ARHGAP15: variants seen among roughly 807,000 people sequenced by gnomAD.
ARHGAP15 encodes the protein rho GTPase-activating protein 15.
In ARHGAP15, 51 loss-of-function variants were observed where a neutral mutation model predicts 63.7. The observed-to-expected ratio is 0.80, with a 90% confidence interval of 0.64 to 1.01. The LOEUF (loss-of-function observed/expected upper bound fraction) is 1.01. Among genes scored for constraint, ARHGAP15 ranks in the 50% least tolerant of loss-of-function variants. ARHGAP15 has a pLI of 0.00. For missense variants in ARHGAP15, 560 were observed against 564.6 expected, an observed-to-expected ratio of 0.99 and a Z score of 0.08; for synonymous variants, 191 against 193.8, an observed-to-expected ratio of 0.99 and a Z score of 0.12.
At chr2:143,667,582 T>TAAAAAAAA (rs71338146) in intron 12 of ARHGAP15, among the ~76,000 whole-genome samples, 23 of 138,920 alleles carry the variant, frequency 1.7e-4, no homozygotes, top group African/African-American at 5.7e-4. Flanking sequence ...TAAAAAAAAT[T>TAAAAAAAA]AAAAAAAAAA....
At chr2:143,360,341 T>C (rs1685991070) in intron 6 of ARHGAP15, among the ~76,000 whole-genome samples, 1 of 152,112 alleles carries the variant, frequency 6.6e-6, no homozygotes, top group South Asian at 2.1e-4. Context: ...GCCGTGATTG[T>C]GCCACTGCAA....
At chr2:143,441,810 C>A (rs536325575) in intron 8 of ARHGAP15, among the ~76,000 whole-genome samples, 8 of 152,066 alleles carry the variant, frequency 5.3e-5, no homozygotes, top group African/African-American at 1.9e-4. Context: ...CTTTAGCTGT[C>A]TCTTGATTAA....
At chr2:143,751,997 A>C in intron 13 of ARHGAP15, among the ~76,000 whole-genome samples, 1 of 152,236 alleles carries the variant, frequency 6.6e-6, no homozygotes, top group East Asian at 1.9e-4. Flanking sequence ...ATTCAAATAC[A>C]ATGATATACA....
chr2:143,396,509 T>C (rs1206780168), intron 6 of ARHGAP15, among the ~76,000 whole-genome samples: 3 of 152,058 alleles, frequency 2.0e-5, no homozygotes, highest in Non-Finnish European at 2.9e-5. Context: ...AATGATGCTA[T>C]GACAGACCAA....
At position 143,362,378 on chromosome 2, in the gene ARHGAP15, C is replaced by T. The variant is rs577813774; in HGVS notation, c.475-73223C>T. 5.9e-5 allele frequency among the ~76,000 whole-genome samples: 9 copies of T among 152,300 alleles called. No homozygotes were observed. The East Asian group carries it at 1.7e-3, about 29-fold the overall frequency. ...GTCCTAAAATACCTTCTTCTCTGGG[C>T]TTCTTTGGCATCAGCCAGTCAAGGA... is the stretch of plus-strand genomic sequence containing the variant. On this transcript the variant is annotated intron_variant, in intron 6 of 13. Coordinates refer to ENST00000295095, the MANE Select transcript of ARHGAP15 (RefSeq NM_018460.4).
chr2:143,352,773 A>C (rs950036788), intron 6 of ARHGAP15, among the ~76,000 whole-genome samples: 1 of 152,226 alleles, frequency 6.6e-6, no homozygotes, highest in Non-Finnish European at 1.5e-5. Flanking sequence ...ATTATTTTGC[A>C]TGAAAGGCAT....
intron 6 of ARHGAP15, among the ~76,000 whole-genome samples, chr2:143,340,982 G>A (rs1329762938): frequency 6.6e-6 from 1 of 151,986 alleles, no homozygotes; most frequent in East Asian, 1.9e-4. Flanking sequence ...ACGTAAGACA[G>A]GTAGCTTTTT....
chr2:143,432,861 G>T (rs1689446858), intron 6 of ARHGAP15, among the ~76,000 whole-genome samples: 1 of 151,982 alleles, frequency 6.6e-6, no homozygotes, highest in Non-Finnish European at 1.5e-5. Context: ...CCTAAATTAG[G>T]TTTCTAAGCA....
At chr2:143,731,668 G>A (rs141184544) in intron 13 of ARHGAP15, among the ~76,000 whole-genome samples, 1 of 152,266 alleles carries the variant, frequency 6.6e-6, no homozygotes, top group East Asian at 1.9e-4. Context: ...CCTTTCTTAT[G>A]AATAGCTGTA....
At position 143,258,696 on chromosome 2, in the gene ARHGAP15, G is replaced by T. The variant is rs190665429; in HGVS notation, c.474+8096G>T. On this transcript the variant is annotated intron_variant, in intron 6 of 13. Coordinates refer to ENST00000295095, the MANE Select transcript of ARHGAP15 (RefSeq NM_018460.4). ...ATGGTTGATGTTGGGGAGAAATCAGGAAGGAAGCTGTTTGAACTCTTTTCA... is the reference window on the plus strand; with the variant it reads ...ATGGTTGATGTTGGGGAGAAATCAGTAAGGAAGCTGTTTGAACTCTTTTCA... Among the ~76,000 whole-genome samples, 4 of 152,278 alleles carry T rather than the reference G, an allele frequency of 2.6e-5. No homozygotes were observed. In the East Asian group the frequency reaches 5.8e-4, roughly 22 times the overall value.
chr2:143,299,080 T>C (rs1467505305), intron 6 of ARHGAP15, among the ~76,000 whole-genome samples: 1 of 151,966 alleles, frequency 6.6e-6, no homozygotes, highest in Non-Finnish European at 1.5e-5. Flanking sequence ...CATTGTTTCT[T>C]CAAGAGCAAG....
intron 12 of ARHGAP15, among the ~76,000 whole-genome samples, chr2:143,652,102 T>A (rs1254469188): frequency 1.3e-5 from 2 of 152,060 alleles, no homozygotes; most frequent in Non-Finnish European, 2.9e-5. Flanking sequence ...ACCACACTTC[T>A]TTATTAGTGT....
intron 11 of ARHGAP15, among the ~76,000 whole-genome samples, chr2:143,566,577 TCTCTCTGACCTCACTGTGTAG>T (rs1696232686): frequency 6.6e-6 from 1 of 152,124 alleles, no homozygotes; most frequent in Non-Finnish European, 1.5e-5. Context: ...CTCCCTCCTC[TCTCTCTGACCTCACTGTGTAG>T]CTCTCTTCCG....
intron 9 of ARHGAP15, among the ~76,000 whole-genome samples, chr2:143,499,480 TTTTC>T (rs936361279): frequency 3.9e-5 from 6 of 152,154 alleles, no homozygotes; most frequent in Non-Finnish European, 7.4e-5. Flanking sequence ...TGTGGGAGTT[TTTTC>T]TTTCTTTTTC....
At chr2:143,234,010 G>A (rs1053921213) in intron 5 of ARHGAP15, among the ~76,000 whole-genome samples, 1 of 151,870 alleles carries the variant, frequency 6.6e-6, no homozygotes, top group African/African-American at 2.4e-5. Flanking sequence ...TAAACCTTCA[G>A]TTAAACCCAT....
intron 12 of ARHGAP15, among the ~76,000 whole-genome samples, chr2:143,690,151 T>C (rs1683529308): frequency 6.6e-6 from 1 of 152,230 alleles, no homozygotes; most frequent in Non-Finnish European, 1.5e-5. Flanking sequence ...GGTTCAGTAC[T>C]TCAATAGCTC....
intron 1 of ARHGAP15, among the ~76,000 whole-genome samples, chr2:143,148,902 C>T (rs192986212): frequency 4.2e-4 from 64 of 152,066 alleles, no homozygotes; most frequent in African/African-American, 1.5e-3. Flanking sequence ...AATTAAAATG[C>T]TATTTTGGTA....
intron 11 of ARHGAP15, among the ~76,000 whole-genome samples, chr2:143,603,673 A>G (rs983400826): frequency 2.0e-5 from 3 of 152,182 alleles, no homozygotes; most frequent in Non-Finnish European, 4.4e-5. Context: ...AAGCTGTTGA[A>G]GTTGAAGTAG....
intron 6 of ARHGAP15, among the ~76,000 whole-genome samples, chr2:143,335,431 A>G (rs1275779894): frequency 6.6e-6 from 1 of 151,604 alleles, no homozygotes; most frequent in Non-Finnish European, 1.5e-5. Context: ...TAGACTAATC[A>G]GCTAAAGGGT....
Sources: gnomAD v4.1 joint callset for allele counts (sites outside exome capture counted in the v4.1 genomes callset) on GRCh38, gnomAD v4.1.1 for gene constraint, MANE v1.5 for transcripts, NCBI Gene and HGNC (gene_info 2026-07-23, HGNC 2026-07-21) for gene names.